Variants in EP300 observed in about 807,000 individuals in gnomAD.
EP300 encodes the protein histone acetyltransferase p300.
EP300 carries 31 observed loss-of-function variants against 264.0 expected under a neutral mutation model. The ratio of observed to expected loss-of-function variants is 0.12; its 90% CI spans 0.09 to 0.16. EP300 has a LOEUF of 0.16. Among genes scored for constraint, EP300 ranks in the 10% least tolerant of loss-of-function variants. The probability of loss-of-function intolerance (pLI) is 1.00; values close to 1 mark genes in which losing one functional copy is unlikely to be tolerated. For missense variants in EP300, 2,766 were observed against 3,052.9 expected (o/e 0.91, Z 2.21); for synonymous variants, 1,340 against 1,045.4 (o/e 1.28, Z -5.44).
At chr22:41,118,736 G>A (rs998031902) in intron 2 of EP300, among the ~76,000 whole-genome samples, 2 of 151,874 alleles carry the variant, frequency 1.3e-5, no homozygotes, top group Non-Finnish European at 2.9e-5. Context: ...CTAGAGGATC[G>A]CTTGAGCCCA....
chr22:41,167,826 GTTTTTTTTTTTTT>G (rs1192332279), intron 23 of EP300, among the ~76,000 whole-genome samples: 1 of 32,186 alleles, frequency 3.1e-5, no homozygotes, highest in African/African-American at 1.5e-4. Context: ...TTTTTTTTTT[GTTTTTTTTTTTTT>G]TTTTTTTTTT....
chr22:41,101,355 G>A (rs2058730794), intron 1 of EP300, among the ~76,000 whole-genome samples: 1 of 151,930 alleles, frequency 6.6e-6, no homozygotes, highest in Admixed American at 6.6e-5. Flanking sequence ...AGAGGCGAGA[G>A]CCACAGTGCC....
At position 41,149,030 on chromosome 22, in the gene EP300, T is replaced by C. The variant is rs199931034; in HGVS notation, c.2242-8T>C. On this transcript the variant is annotated splice_region_variant and splice_polypyrimidine_tract_variant and intron_variant, in intron 12 of 30. Coordinates refer to ENST00000263253, the MANE Select transcript of EP300 (RefSeq NM_001429.4). Reference sequence around the variant, plus strand: ...AGTTTGGTGATTTGTGTTTTTTTTTTTTTTCAGCCTATGGGCTATGGGCCT... The same window carrying C: ...AGTTTGGTGATTTGTGTTTTTTTTTCTTTTCAGCCTATGGGCTATGGGCCT... 197 of 1,613,766 alleles carry C rather than the reference T, an allele frequency of 1.2e-4. No individual in the cohort carries two copies. The highest frequency in any genetic ancestry group is 1.9e-5 in the Non-Finnish European group (23 of 1,179,878).
chr22:41,105,910 G>A (rs775789450), intron 1 of EP300, among the ~76,000 whole-genome samples: 4 of 152,094 alleles, frequency 2.6e-5, no homozygotes, highest in Non-Finnish European at 5.9e-5. Flanking sequence ...ATCCAAATTT[G>A]TATAAAACTT....
chr22:41,170,945 G>A (rs1442096196), intron 27 of EP300, among the ~76,000 whole-genome samples: 7 of 149,316 alleles, frequency 4.7e-5, no homozygotes, highest in African/African-American at 1.5e-4. Context: ...TTACAGGCAT[G>A]AGCCACCGTG....
In EP300 at chr22:41,178,198, C is replaced by T; in HGVS notation, c.6487C>T (p.Pro2163Ser). Residue 2163 changes from proline to serine, a missense_variant, in exon 31 of 31, where the codon CCC becomes TCC. Transcript: ENST00000263253. ...QLQPPMGGMSPQAQQMNMNHN... is the reference protein window; with the variant it reads ...QLQPPMGGMSSQAQQMNMNHN... ...CCAGCCACCCATGGGAGGGATGAGC[C>T]CCCAGGCTCAGCAGATGAACATGAA... The T allele has an allele frequency of 1.2e-6, 2 of 1,614,142 alleles. No individual in the cohort carries two copies. The highest frequency in any genetic ancestry group is 1.7e-6 in the Non-Finnish European group (2 of 1,180,024).
Position 41,140,266 on chromosome 22 carries a change from C to T in EP300, c.1878+9C>T, listed in dbSNP as rs186198699. ...AATCTGCAAACAATCGAGTGAGTGTCTGGTTTTTTTCTATTAATAGCCAAG... is the reference window on the plus strand; with the variant it reads ...AATCTGCAAACAATCGAGTGAGTGTTTGGTTTTTTTCTATTAATAGCCAAG... On this transcript the variant is annotated intron_variant, in intron 9 of 30. Transcript: ENST00000263253. 1 of 1,575,552 alleles carries T rather than the reference C, an allele frequency of 6.3e-7. No homozygotes were observed. The highest frequency in any genetic ancestry group is 8.7e-7 in the Non-Finnish European group (1 of 1,145,026).
rs185714996 is a variant in EP300, at chr22:41,156,099, C to A, written c.3261+986C>A. Among the ~76,000 whole-genome samples, 278 of 152,180 alleles carry A rather than the reference C, an allele frequency of 1.8e-3. 1 individual carries two copies. Among genetic ancestry groups the A allele is most frequent in the East Asian group, 0.018 (93 of 5,144 alleles). Reference sequence around the variant, plus strand: ...CAATCTCAGTTCACCTCAACCTCCCCCTCCCGGGTTCAAGCAGTTCTCCTA... The same window carrying A: ...CAATCTCAGTTCACCTCAACCTCCCACTCCCGGGTTCAAGCAGTTCTCCTA... On this transcript the variant is annotated intron_variant, in intron 17 of 30. Transcript: ENST00000263253.
intron 1 of EP300, among the ~76,000 whole-genome samples, chr22:41,096,835 T>G (rs1000664950): frequency 1.8e-4 from 27 of 152,042 alleles, no homozygotes; most frequent in African/African-American, 6.5e-4. Context: ...GCCAGGCTGG[T>G]CTCGAACTCC....
chr22:41,102,029 C>CTTTTTTTTTTTTTTTTTTTTT (rs5845488), intron 1 of EP300, among the ~76,000 whole-genome samples: 4 of 119,238 alleles, frequency 3.4e-5, no homozygotes, highest in African/African-American at 6.2e-5. Flanking sequence ...TTTTTCTTTT[C>CTTTTTTTTTTTTTTTTTTTTT]TTTTTTTTTT....
At chr22:41,150,915 TTA>T (rs1721297494) in intron 14 of EP300, among the ~76,000 whole-genome samples, 3 of 151,742 alleles carry the variant, frequency 2.0e-5, no homozygotes, top group South Asian at 4.2e-4. Context: ...AATTGCAGAT[TTA>T]TGAGTCCTTG....
Position 41,177,992 on chromosome 22 carries a change from A to G in EP300, c.6281A>G (p.Asn2094Ser), listed in dbSNP as rs757490161. The change falls in exon 31 of 31, where the codon AAC (asparagine) becomes AGC (serine). Residue 2094 changes from asparagine (N) to serine (S), a missense_variant. Coordinates refer to ENST00000263253, the MANE Select transcript of EP300 (RefSeq NM_001429.4). ...AAGCAGCGGGCTGCCAAGTATGCCA[A>G]CTCTAATCCACAACCCATCCCTGGG... The part of the protein sequence containing the change: ...FIKQRAAKYA[N>S]SNPQPIPGQP... 8 of 1,613,892 alleles carry G rather than the reference A, an allele frequency of 5.0e-6. No individual in the cohort carries two copies. Among genetic ancestry groups the G allele is most frequent in the Middle Eastern group, 1.6e-4 (1 of 6,084 alleles).
At chr22:41,148,231 G>C (rs1053629182) in intron 12 of EP300, among the ~76,000 whole-genome samples, 1 of 152,150 alleles carries the variant, frequency 6.6e-6, no homozygotes, top group African/African-American at 2.4e-5. Flanking sequence ...TGTCTTGCAA[G>C]GTTGATGGTG....
Position 41,141,123 on chromosome 22 carries a change from C to G in EP300, c.1954C>G (p.Leu652Val), listed in dbSNP as rs1451066650. Residue 652 changes from leucine to valine, a missense_variant, in exon 10 of 31, where the codon CTA becomes GTA. Transcript: ENST00000263253. The part of the protein sequence containing the change: ...KELEEKRRTR[L>V]QKQNMLPNAA... ...ACTAGAAGAAAAACGAAGGACCAGA[C>G]TACAGAAGCAGAACATGCTACCAAA... The G allele has an allele frequency of 6.2e-7, 1 of 1,614,172 alleles. No individual in the cohort carries two copies. Among genetic ancestry groups the G allele is most frequent in the South Asian group, 1.1e-5 (1 of 91,084 alleles).
chr22:41,125,839 G>A (rs755742442), intron 2 of EP300, 25 bp from the exon 3 acceptor site: 5 of 1,608,392 alleles, frequency 3.1e-6, no homozygotes, highest in South Asian at 1.1e-5. Flanking sequence ...TGCTTATTTT[G>A]TTTTCTTTTG....
chr22:41,177,877 C>T lies in EP300; in HGVS notation c.6166C>T (p.Arg2056Trp), dbSNP rs752770043. 3.1e-6 allele frequency: 5 copies of T among 1,614,206 alleles called. No individual in the cohort carries two copies. The highest frequency in any genetic ancestry group is 1.6e-4 in the Middle Eastern group (1 of 6,062). The change falls in exon 31 of 31, where the codon CGG (arginine) becomes TGG (tryptophan). Residue 2056 changes from arginine to tryptophan, a missense_variant. By Grantham distance (101) the Arg-to-Trp change is moderately radical. Coordinates refer to ENST00000263253, the MANE Select transcript of EP300 (RefSeq NM_001429.4). ...TCAACAAGCCTTACAAAACCTTTTG[C>T]GGACTCTCAGGTCTCCCAGCTCTCC... ...VSQQALQNLLRTLRSPSSPLQ... is the reference protein window; with the variant it reads ...VSQQALQNLLWTLRSPSSPLQ...
intron 1 of EP300, among the ~76,000 whole-genome samples, chr22:41,104,074 G>T (rs1460727245): frequency 1.3e-5 from 2 of 151,994 alleles, no homozygotes; most frequent in African/African-American, 4.8e-5. Context: ...TTTTTTTGTT[G>T]TTGTTTTTGT....
intron 1 of EP300, among the ~76,000 whole-genome samples, chr22:41,097,989 C>G (rs2058711190): frequency 6.9e-6 from 1 of 145,666 alleles, no homozygotes; most frequent in African/African-American, 2.5e-5. Flanking sequence ...CCACCGCGCC[C>G]AGCTAAAAAT....
intron 1 of EP300, among the ~76,000 whole-genome samples, chr22:41,110,144 T>C (rs971441896): frequency 3.2e-4 from 39 of 123,126 alleles, no homozygotes; most frequent in Non-Finnish European, 5.2e-4. Flanking sequence ...TTTTAAGTTA[T>C]TGAGACAGAG....
Sources: gnomAD v4.1 joint callset for allele counts (sites outside exome capture counted in the v4.1 genomes callset) on GRCh38, gnomAD v4.1.1 for gene constraint, MANE v1.5 for transcripts, NCBI Gene and HGNC (gene_info 2026-07-23, HGNC 2026-07-21) for gene names.